Variants in SHANK2 observed in about 807,000 individuals in gnomAD.
SHANK2 encodes SH3 and multiple ankyrin repeat domains protein 2.
A neutral mutation model predicts 133.7 loss-of-function variants in SHANK2; 43 were observed. The observed-to-expected ratio is 0.32, with a 90% CI of 0.25 to 0.41. The LOEUF (loss-of-function observed/expected upper bound fraction) is 0.41, where lower values mean the gene tolerates loss of function less well. Among genes scored for constraint, SHANK2 ranks in the 10% least tolerant of loss-of-function variants. The pLI is 1.00. For missense variants in SHANK2, 1,994 were observed against 2,235.8 expected, an observed-to-expected ratio of 0.89 and a Z score of 2.18; for synonymous variants, 1,017 against 952.8, an observed-to-expected ratio of 1.07 and a Z score of -1.24.
intron 14 of SHANK2, among the ~76,000 whole-genome samples, chr11:70,740,812 G>A (rs782354051): frequency 6.6e-6 from 1 of 152,176 alleles, no homozygotes; most frequent in Non-Finnish European, 1.5e-5. Context: ...CCCAGAGGCA[G>A]TTCTGGATGT....
intron 8 of SHANK2, among the ~76,000 whole-genome samples, chr11:71,084,422 C>A (rs1951349727): frequency 1.3e-5 from 2 of 152,130 alleles, no homozygotes; most frequent in Admixed American, 6.5e-5. Flanking sequence ...TGGCCTGAGA[C>A]AATGATGGGA....
chr11:71,067,689 C>CCATCAT (rs1218409161), intron 9 of SHANK2, among the ~76,000 whole-genome samples: 1 of 152,094 alleles, frequency 6.6e-6, no homozygotes. Context: ...AGCAGCATCA[C>CCATCAT]CATCATCATC....
chr11:70,589,003 G>A (rs1428547878), intron 17 of SHANK2, among the ~76,000 whole-genome samples: 1 of 152,206 alleles, frequency 6.6e-6, no homozygotes, highest in African/African-American at 2.4e-5. Context: ...ATTTTTAGTA[G>A]AGACGGGGTT....
At chr11:71,114,631 A>G (rs1441681998) in intron 4 of SHANK2, among the ~76,000 whole-genome samples, 1 of 152,152 alleles carries the variant, frequency 6.6e-6, no homozygotes, top group Non-Finnish European at 1.5e-5. Flanking sequence ...TCAGAAGGGC[A>G]TCCATTCATT....
intron 10 of SHANK2, among the ~76,000 whole-genome samples, chr11:71,055,981 T>G (rs986993337): frequency 1.3e-5 from 2 of 152,180 alleles, no homozygotes; most frequent in African/African-American, 4.8e-5. Flanking sequence ...TTGCCACAAT[T>G]TTTAAAAAAG....
intron 10 of SHANK2, among the ~76,000 whole-genome samples, chr11:70,938,374 T>C (rs140419219): frequency 1.3e-5 from 2 of 152,288 alleles, no homozygotes; most frequent in Admixed American, 6.5e-5. Context: ...TAGTTAATAC[T>C]CTGGAATATT....
At chr11:70,796,437 A>G (rs917771673) in intron 14 of SHANK2, among the ~76,000 whole-genome samples, 1 of 152,336 alleles carries the variant, frequency 6.6e-6, no homozygotes, top group East Asian at 1.9e-4. Flanking sequence ...ACAAAAGAGT[A>G]GAGGGAGGGC....
intron 11 of SHANK2, among the ~76,000 whole-genome samples, chr11:70,837,811 C>G (rs916598982): frequency 4.6e-5 from 7 of 151,496 alleles, no homozygotes; most frequent in Non-Finnish European, 8.8e-5. Flanking sequence ...CCTGTTTCTA[C>G]TAAAAACACA....
chr11:71,246,526 C>G (rs1218936202), intron 1 of SHANK2, among the ~76,000 whole-genome samples: 1 of 152,276 alleles, frequency 6.6e-6, no homozygotes, highest in East Asian at 1.9e-4. Context: ...ACCTTGAGTA[C>G]AGGTGTAATC....
chr11:70,910,899 C>CGT lies in SHANK2; in HGVS notation c.1108-14334_1108-14333dup, dbSNP rs374516514. Reference sequence around the variant, plus strand: ...ATTGTTTACATGTTGCTTGGTGGTGCGTGTGTGTGTGTGTGCGCGTGCATG... The same window carrying CGT: ...ATTGTTTACATGTTGCTTGGTGGTGCGTGTGTGTGTGTGTGTGCGCGTGCATG... On this transcript the variant is annotated intron_variant, in intron 10 of 25. Coordinates refer to ENST00000601538, the MANE Select transcript of SHANK2 (RefSeq NM_012309.5). The CGT allele has an allele frequency of 6.6e-4, 281 of 428,360 alleles. 2 individuals carry two copies. The East Asian group carries it at 8.2e-3, about 13-fold the overall frequency. 26.5% of individuals were successfully genotyped at this position (428,360 alleles called of 1,614,324 possible).
chr11:70,657,728 C>T (rs2061421399), intron 17 of SHANK2, among the ~76,000 whole-genome samples: 1 of 152,192 alleles, frequency 6.6e-6, no homozygotes, highest in African/African-American at 2.4e-5. Flanking sequence ...TCAGAGGTTA[C>T]CCAGAATATA....
chr11:71,089,657 C>T (rs1421740840), intron 8 of SHANK2, among the ~76,000 whole-genome samples: 1 of 151,732 alleles, frequency 6.6e-6, no homozygotes, highest in Non-Finnish European at 1.5e-5. Flanking sequence ...TGTGGTGCAC[C>T]CGGAATGGCT....
rs945331925 is a variant in SHANK2, at chr11:70,695,241, G to A, written c.1853+3447C>T. 3.3e-5 allele frequency among the ~76,000 whole-genome samples: 5 copies of A among 151,964 alleles called. No individual in the cohort carries two copies. In the South Asian group the frequency reaches 8.3e-4, roughly 25 times the overall value. On this transcript the variant is annotated intron_variant, in intron 15 of 25. Coordinates refer to ENST00000601538, the MANE Select transcript of SHANK2 (RefSeq NM_012309.5). The stretch of plus-strand genomic sequence containing the variant: ...ACCTCTGGAGCTGGACGGTGGTGTC[G>A]GTTGCACAACACAGTGAATGTCTTA...
At chr11:70,539,563 G>A (rs1034264049) in intron 17 of SHANK2, among the ~76,000 whole-genome samples, 2 of 152,140 alleles carry the variant, frequency 1.3e-5, no homozygotes, top group African/African-American at 2.4e-5. Flanking sequence ...TACTCACCAC[G>A]CTCACTCATG....
chr11:70,534,442 G>A (rs572445650), intron 17 of SHANK2, among the ~76,000 whole-genome samples: 1 of 152,298 alleles, frequency 6.6e-6, no homozygotes, highest in East Asian at 1.9e-4. Context: ...TTCAAGATGA[G>A]ATTTGGGTGG....
chr11:71,085,721 TATATAAA>T (rs1295352029), intron 8 of SHANK2, among the ~76,000 whole-genome samples: 35 of 65,618 alleles, frequency 5.3e-4, no homozygotes, highest in African/African-American at 2.0e-3. Flanking sequence ...TATATTATAT[TATATAAA>T]ATATAATATA....
chr11:70,921,076 T>C (rs1376849090), intron 10 of SHANK2, among the ~76,000 whole-genome samples: 2 of 152,148 alleles, frequency 1.3e-5, no homozygotes, highest in Admixed American at 1.3e-4. Flanking sequence ...AAGCTATCAA[T>C]GACTATGAGG....
intron 15 of SHANK2, among the ~76,000 whole-genome samples, chr11:70,694,503 C>CTA (rs1196793957): frequency 1.3e-5 from 2 of 152,252 alleles, no homozygotes; most frequent in Non-Finnish European, 2.9e-5. Context: ...TGGCCTCAGC[C>CTA]CTGTGCTGTC....
At chr11:70,559,399 C>T (rs2059877797) in intron 17 of SHANK2, among the ~76,000 whole-genome samples, 1 of 152,214 alleles carries the variant, frequency 6.6e-6, no homozygotes, top group African/African-American at 2.4e-5. Flanking sequence ...AGTTTCCACA[C>T]ACCACGCTTC....
Sources: allele counts gnomAD v4.1 joint callset (sites outside exome capture counted in the v4.1 genomes callset), GRCh38; gene constraint gnomAD v4.1.1; transcripts MANE v1.5; gene names NCBI Gene and HGNC (gene_info 2026-07-23, HGNC 2026-07-21).